Variants in MIX23 observed in about 807,000 individuals in gnomAD.
The protein encoded by MIX23 is mitochondrial matrix import factor 23.
Under a neutral mutation model 21.6 loss-of-function variants are expected in MIX23, and 13 were observed. The observed-to-expected ratio is 0.60, with a 90% confidence interval of 0.39 to 0.96. The LOEUF (loss-of-function observed/expected upper bound fraction) is 0.96. Ranked by LOEUF, MIX23 falls within the 40% of genes least tolerant of loss-of-function variation. MIX23 has a pLI of 0.00. For missense variants in MIX23, 144 were observed against 171.2 expected (o/e 0.84, Z 0.89); for synonymous variants, 59 against 58.0 (o/e 1.02, Z -0.08).
At chr3:122,361,043 C>G (rs1486004326) in intron 4 of MIX23, among the ~76,000 whole-genome samples, 1 of 152,096 alleles carries the variant, frequency 6.6e-6, no homozygotes, top group Non-Finnish European at 1.5e-5. Flanking sequence ...CGGGGTTTCA[C>G]CCTGTTGGTC....
intron 1 of MIX23, among the ~76,000 whole-genome samples, chr3:122,374,505 A>C (rs577952826): frequency 1.3e-5 from 2 of 152,254 alleles, no homozygotes; most frequent in Non-Finnish European, 2.9e-5. Flanking sequence ...TACAATATAA[A>C]TGCTATGTAA....
At chr3:122,376,801 G>A (rs2075490819) in intron 1 of MIX23, among the ~76,000 whole-genome samples, 1 of 152,122 alleles carries the variant, frequency 6.6e-6, no homozygotes, top group Admixed American at 6.6e-5. Context: ...ATAGACATTG[G>A]GGACTCCAAA....
At chr3:122,368,346 G>C in intron 2 of MIX23, 24 bp from the exon 3 acceptor site, 1 of 1,534,606 alleles carries the variant, frequency 6.5e-7, no homozygotes, top group Non-Finnish European at 8.7e-7. Context: ...GGAATGAAAG[G>C]AGAAAAAAAA....
In MIX23 at chr3:122,359,899, T is replaced by C; in HGVS notation, c.405A>G (p.Arg135=). ...CATTCTTTGGAGGCTTGAAGTGAAT[T>C]CGGCAGCGTTCATTAAACACCTAAA... ...RSWKVFNERC[R]IHFKPPKNE is the part of the protein sequence containing the mutation. Residue 135 remains arginine, a synonymous_variant, in exon 5 of 5, where the codon CGA becomes CGG. Coordinates refer to ENST00000291458, the MANE Select transcript of MIX23 (RefSeq NM_001017928.4). 1 of 1,570,018 alleles carries C rather than the reference T, an allele frequency of 6.4e-7. No homozygotes were observed. The highest frequency in any genetic ancestry group is 1.2e-5 in the South Asian group (1 of 84,164).
chr3:122,361,573 A>T (rs568921207), intron 4 of MIX23, among the ~76,000 whole-genome samples: 20 of 152,318 alleles, frequency 1.3e-4, no homozygotes, highest in African/African-American at 4.8e-4. Flanking sequence ...ATTTTCTTTA[A>T]AACTAATATT....
At chr3:122,361,124 C>T (rs1201620722) in intron 4 of MIX23, among the ~76,000 whole-genome samples, 1 of 152,268 alleles carries the variant, frequency 6.6e-6, no homozygotes, top group African/African-American at 2.4e-5. Flanking sequence ...GGATTACAGG[C>T]GTGAGCCAGT....
intron 1 of MIX23, among the ~76,000 whole-genome samples, chr3:122,379,117 G>A (rs1160669789): frequency 6.6e-6 from 1 of 152,102 alleles, no homozygotes; most frequent in African/African-American, 2.4e-5. Context: ...TACCAGAAAA[G>A]CTAAAGAGAA....
At chr3:122,371,937 T>C (rs992738881) in intron 1 of MIX23, 137 bp from the exon 2 acceptor site, 108 of 666,544 alleles carry the variant, frequency 1.6e-4, no homozygotes, top group Non-Finnish European at 3.0e-5. Context: ...GCCAAATACA[T>C]GCAACCATAA....
intron 1 of MIX23, among the ~76,000 whole-genome samples, chr3:122,382,488 T>C (rs991938324): frequency 6.6e-6 from 1 of 152,334 alleles, no homozygotes. Flanking sequence ...GATCATGATT[T>C]TGGAATTCAA....
Position 122,368,291 on chromosome 3 carries a change from ACT to A in MIX23, c.207_208del (p.Arg69SerfsTer34), listed in dbSNP as rs746828477. The stretch of plus-strand genomic sequence containing the variant: ...AGTCTGGGCTATACAGTTTTTTATG[ACT>A]CTGTCTCTACTGGCATGAGCTGCCA... On this transcript the variant is annotated frameshift_variant, in exon 3 of 5. Transcript: ENST00000291458. LOFTEE classifies it high-confidence loss of function. The A allele has an allele frequency of 6.2e-6, 10 of 1,606,192 alleles. No homozygotes were observed. The highest frequency in any genetic ancestry group is 1.4e-5 in the African/African-American group (1 of 74,072).
intron 1 of MIX23, 169 bp downstream of exon 1, chr3:122,383,005 T>C: frequency 1.3e-6 from 1 of 792,848 alleles, no homozygotes; most frequent in South Asian, 1.5e-5. Flanking sequence ...CAGAGCAGCC[T>C]CGCTCCCTAA....
At chr3:122,363,121 T>C (rs933812553) in intron 3 of MIX23, 94 bp from the exon 4 acceptor site, 3 of 1,027,722 alleles carry the variant, frequency 2.9e-6, no homozygotes, top group Non-Finnish European at 4.3e-6. Flanking sequence ...CACACTCATG[T>C]TTACCCAACA....
Position 122,367,910 on chromosome 3 carries a change from G to GA in MIX23, c.324+265dup. The GA allele has an allele frequency of 9.4e-6, 4 of 424,970 alleles. 1 individual carries two copies. The highest frequency in any genetic ancestry group is 9.1e-5 in the South Asian group (4 of 44,168). The allele number at this position is 424,970 out of a possible 1,614,324, so 26.3% of individuals were successfully genotyped here. On this transcript the variant is annotated intron_variant, in intron 3 of 4. Coordinates refer to ENST00000291458, the MANE Select transcript of MIX23 (RefSeq NM_001017928.4). ...ATCCCTTGTCTTTAATAGTGGGAAA[G>GA]AAACAAAGAAATGAAAATAAATTAT...
intron 1 of MIX23, among the ~76,000 whole-genome samples, chr3:122,381,312 T>C (rs900192183): frequency 6.6e-6 from 1 of 152,190 alleles, no homozygotes; most frequent in Admixed American, 6.5e-5. Context: ...CCAAAATTCA[T>C]GAATCCCTAA....
chr3:122,380,929 T>C (rs553234272), intron 1 of MIX23, among the ~76,000 whole-genome samples: 2 of 152,274 alleles, frequency 1.3e-5, no homozygotes, highest in South Asian at 4.1e-4. Flanking sequence ...ATCTCACCCC[T>C]CTGCCCAAAA....
intron 4 of MIX23, 131 bp downstream of exon 4, chr3:122,362,837 T>A: frequency 8.1e-5 from 27 of 331,806 alleles, no homozygotes; most frequent in Middle Eastern, 7.9e-4. Context: ...CAATCCTCAA[T>A]TGTAAATGTA....
At chr3:122,373,593 T>A (rs1163925297) in intron 1 of MIX23, among the ~76,000 whole-genome samples, 1 of 152,176 alleles carries the variant, frequency 6.6e-6, no homozygotes, top group Non-Finnish European at 1.5e-5. Context: ...TTTTAAATAG[T>A]TGCGTTTAAG....
intron 1 of MIX23, 31 bp from the exon 2 acceptor site, chr3:122,371,831 C>T: frequency 6.6e-7 from 1 of 1,524,510 alleles, no homozygotes; most frequent in Non-Finnish European, 8.9e-7. Flanking sequence ...AGAATATAAC[C>T]CAAATGGAAA....
At chr3:122,383,042 C>A (rs2075547683) in intron 1 of MIX23, 132 bp downstream of exon 1, 1 of 1,243,076 alleles carries the variant, frequency 8.0e-7, no homozygotes, top group South Asian at 1.2e-5. Flanking sequence ...CCCATGACCT[C>A]CAATGGCTCG....
Sources: allele counts gnomAD v4.1 joint callset (sites outside exome capture counted in the v4.1 genomes callset), GRCh38; gene constraint gnomAD v4.1.1; transcripts MANE v1.5; gene names NCBI Gene and HGNC (gene_info 2026-07-23, HGNC 2026-07-21).